MYO16: variants seen among roughly 807,000 people sequenced by gnomAD.
MYO16 encodes the protein unconventional myosin-XVI.
MYO16 carries 94 observed loss-of-function variants against 205.3 expected under a neutral mutation model. That is an observed-to-expected ratio of 0.46 (90% CI 0.39 to 0.54). MYO16 has a LOEUF of 0.54. Among genes scored for constraint, MYO16 ranks in the 20% least tolerant of loss-of-function variants. MYO16 has a pLI of 0.00. For synonymous variants in MYO16, 988 were observed against 954.0 expected (o/e 1.04, Z -0.66); for missense variants, 2,315 against 2,387.5 (o/e 0.97, Z 0.63).
At chr13:108,949,728 AAAG>A (rs1883069797) in intron 16 of MYO16, among the ~76,000 whole-genome samples, 1 of 152,174 alleles carries the variant, frequency 6.6e-6, no homozygotes, top group Non-Finnish European at 1.5e-5. Context: ...AAATAATGCA[AAAG>A]AAGAATAAAA....
At chr13:108,788,010 G>A (rs914146968) in intron 5 of MYO16, among the ~76,000 whole-genome samples, 2 of 152,098 alleles carry the variant, frequency 1.3e-5, no homozygotes, top group African/African-American at 4.8e-5. Context: ...AGCATGGGCT[G>A]ATGTCTTTAG....
intron 27 of MYO16, among the ~76,000 whole-genome samples, chr13:109,098,220 G>A (rs555938979): frequency 2.5e-4 from 38 of 152,144 alleles, no homozygotes; most frequent in Admixed American, 2.1e-3. Flanking sequence ...CGGTTCAGGC[G>A]TGAATATTAA....
At chr13:108,601,929 C>T (rs9555488) in intron 1 of MYO16, among the ~76,000 whole-genome samples, 38,456 of 151,614 alleles carry the variant, frequency 0.25, 5,231 homozygotes, top group East Asian at 0.45. Context: ...ATGTTTGTGA[C>T]GCAACCAAAT....
the MYO16 span, among the ~76,000 whole-genome samples, chr13:108,509,853 T>C: frequency 6.6e-6 from 1 of 152,132 alleles, no homozygotes; most frequent in Admixed American, 6.5e-5. Context: ...TTTTCTTGCA[T>C]CATGGACTCT....
intron 7 of MYO16, among the ~76,000 whole-genome samples, chr13:108,815,094 C>T (rs1306961109): frequency 6.6e-6 from 1 of 152,050 alleles, no homozygotes; most frequent in Admixed American, 6.6e-5. Context: ...ATATGTTTAA[C>T]AAATAATGTG....
intron 16 of MYO16, among the ~76,000 whole-genome samples, chr13:108,941,149 C>T (rs1383787150): frequency 6.6e-6 from 1 of 152,108 alleles, no homozygotes; most frequent in Non-Finnish European, 1.5e-5. Flanking sequence ...TCAGCATGCC[C>T]CAGCTTCCCA....
At chr13:108,587,215 G>A in the MYO16 span, among the ~76,000 whole-genome samples, 3 of 152,190 alleles carry the variant, frequency 2.0e-5, no homozygotes, top group Non-Finnish European at 2.9e-5. Context: ...GGTCAGTTAA[G>A]CAATTATGAC....
intron 2 of MYO16, among the ~76,000 whole-genome samples, chr13:108,689,178 A>G (rs1882798787): frequency 1.3e-5 from 2 of 152,180 alleles, no homozygotes; most frequent in African/African-American, 4.8e-5. Flanking sequence ...TGCTTTTCAA[A>G]TTGAATTTTA....
intron 2 of MYO16, among the ~76,000 whole-genome samples, chr13:108,669,062 A>G (rs1870861586): frequency 6.6e-6 from 1 of 152,082 alleles, no homozygotes; most frequent in Non-Finnish European, 1.5e-5. Context: ...TATAGATGAT[A>G]CCGAAAACCC....
the MYO16 span, among the ~76,000 whole-genome samples, chr13:108,565,806 G>A: frequency 6.6e-6 from 1 of 152,128 alleles, no homozygotes; most frequent in Non-Finnish European, 1.5e-5. Flanking sequence ...TATAATATTA[G>A]CTGTGGGTCT....
At chr13:108,533,749 G>T in the MYO16 span, among the ~76,000 whole-genome samples, 1 of 152,082 alleles carries the variant, frequency 6.6e-6, no homozygotes, top group Non-Finnish European at 1.5e-5. Context: ...ATTTCCATTC[G>T]GGATGACATT....
At chr13:108,585,205 AC>A in the MYO16 span, among the ~76,000 whole-genome samples, 1 of 152,194 alleles carries the variant, frequency 6.6e-6, no homozygotes, top group South Asian at 2.1e-4. Flanking sequence ...GAGAACATGC[AC>A]CCAAGGTGGC....
At chr13:109,070,538 A>G (rs1008793926) in intron 27 of MYO16, among the ~76,000 whole-genome samples, 6 of 152,216 alleles carry the variant, frequency 3.9e-5, no homozygotes, top group Non-Finnish European at 8.8e-5. Flanking sequence ...TGGTTTAACT[A>G]TGAGTAAATG....
intron 16 of MYO16, among the ~76,000 whole-genome samples, chr13:108,926,319 A>G (rs904662235): frequency 1.3e-5 from 2 of 152,220 alleles, no homozygotes; most frequent in African/African-American, 4.8e-5. Flanking sequence ...GCTATTATCT[A>G]TTGTATTTGA....
At chr13:108,595,700 G>A (rs1195523425), upstream of MYO16, among the ~76,000 whole-genome samples, 2 of 151,998 alleles carry the variant, frequency 1.3e-5, no homozygotes, top group African/African-American at 4.8e-5. Flanking sequence ...AATAAATAAC[G>A]CTGCTGATCT....
chr13:109,040,453 T>C (rs1008541094), intron 23 of MYO16, among the ~76,000 whole-genome samples: 112 of 129,404 alleles, frequency 8.7e-4, no homozygotes, highest in African/African-American at 3.1e-3. Context: ...TGAATATAGG[T>C]GAAAAAATAT....
intron 21 of MYO16, among the ~76,000 whole-genome samples, chr13:109,005,075 A>G (rs1885346045): frequency 6.6e-6 from 1 of 152,188 alleles, no homozygotes; most frequent in African/African-American, 2.4e-5. Flanking sequence ...CTAGTTACTT[A>G]CTGTGCAAAT....
chr13:109,123,282 C>T (rs529167777), intron 29 of MYO16, among the ~76,000 whole-genome samples: 6 of 152,262 alleles, frequency 3.9e-5, no homozygotes, highest in Admixed American at 2.6e-4. Context: ...CTTCCGGAGG[C>T]GGGACAATAG....
At chr13:109,114,100 G>C (rs892682897) in intron 28 of MYO16, among the ~76,000 whole-genome samples, 3 of 152,176 alleles carry the variant, frequency 2.0e-5, no homozygotes, top group Middle Eastern at 3.2e-3. Flanking sequence ...CAACATAGCA[G>C]CTTTGGACAA....
Sources: allele counts gnomAD v4.1 joint callset (sites outside exome capture counted in the v4.1 genomes callset), GRCh38; gene constraint gnomAD v4.1.1; transcripts MANE v1.5; gene names NCBI Gene and HGNC (gene_info 2026-07-23, HGNC 2026-07-21).